The following FHIT variants were observed in gnomAD, a reference collection of about 807,000 sequenced individuals.
The protein encoded by FHIT is bis(5'-adenosyl)-triphosphatase.
A neutral mutation model predicts 17.9 loss-of-function variants in FHIT; 19 were observed. The ratio of observed to expected loss-of-function variants is 1.06; its 90% CI spans 0.74 to 1.56. The LOEUF is 1.56. Ranked by LOEUF, FHIT falls within the 40% of genes most tolerant of loss-of-function variation. The pLI is 0.00. For synonymous variants in FHIT, 81 were observed against 69.7 expected (o/e 1.16, Z -0.81); for missense variants, 248 against 189.2 (o/e 1.31, Z -1.82).
intron 5 of FHIT, among the ~76,000 whole-genome samples, chr3:60,117,574 G>A (rs560785887): frequency 6.6e-6 from 1 of 150,580 alleles, no homozygotes; most frequent in South Asian, 2.1e-4. Context: ...GAATTTAGGA[G>A]CTTGCTATGG....
At position 59,867,924 on chromosome 3, in the gene FHIT, C is replaced by T. The variant is rs183554317; in HGVS notation, c.348+54422G>A. On this transcript the variant is annotated intron_variant, in intron 8 of 9. Transcript: ENST00000492590. ...AGAGACTGAGTCCATGAAAAAGTTA[C>T]GGACCAAGGTTATACACAGAGCTGG... is the stretch of plus-strand genomic sequence containing the variant. Among the ~76,000 whole-genome samples, 14 of 151,356 alleles carry T rather than the reference C, an allele frequency of 9.2e-5. No homozygotes were observed. In the East Asian group the frequency reaches 2.5e-3, roughly 27 times the overall value.
chr3:60,043,969 TGAACATCTACTC>T (rs1405809276), intron 5 of FHIT, among the ~76,000 whole-genome samples: 1 of 152,214 alleles, frequency 6.6e-6, no homozygotes, highest in Non-Finnish European at 1.5e-5. Flanking sequence ...GAGTGATATT[TGAACATCTACTC>T]GACCCTAAAA....
Position 60,381,530 on chromosome 3 carries a change from C to CA in FHIT, c.103+155329dup, listed in dbSNP as rs200332079. Among the ~76,000 whole-genome samples, 954 of 150,698 alleles carry CA rather than the reference C, an allele frequency of 6.3e-3. 35 individuals carry two copies. Among genetic ancestry groups the CA allele is most frequent in the Admixed American group, 0.055 (839 of 15,134 alleles). On this transcript the variant is annotated intron_variant, in intron 5 of 9. Transcript: ENST00000492590. ...GAAAAGATCATTAGACATAAAACAA[C>CA]AAAAAAAAGCACATATAAAGCTGTT... is the stretch of plus-strand genomic sequence containing the variant.
At chr3:59,942,648 G>A (rs760608715) in intron 7 of FHIT, among the ~76,000 whole-genome samples, 2 of 151,836 alleles carry the variant, frequency 1.3e-5, no homozygotes, top group African/African-American at 4.8e-5. Context: ...ACAGCCCTTA[G>A]TTCTTTTTTT....
chr3:60,716,904 C>T (rs150252570), intron 4 of FHIT, among the ~76,000 whole-genome samples: 49 of 152,254 alleles, frequency 3.2e-4, no homozygotes, highest in African/African-American at 1.1e-3. Context: ...TGCAGTCTGT[C>T]ATTGACCAGA....
intron 3 of FHIT, among the ~76,000 whole-genome samples, chr3:60,972,357 G>C (rs1237678478): frequency 6.6e-6 from 1 of 151,984 alleles, no homozygotes; most frequent in Non-Finnish European, 1.5e-5. Flanking sequence ...TTCTGAATTG[G>C]CAATTACTTT....
At chr3:60,776,926 G>C (rs931830532) in intron 4 of FHIT, among the ~76,000 whole-genome samples, 6 of 152,186 alleles carry the variant, frequency 3.9e-5, no homozygotes, top group Non-Finnish European at 7.3e-5. Context: ...GAGGTTCTCT[G>C]TGTGAACATA....
chr3:60,820,526 C>A (rs1324363575), intron 4 of FHIT, among the ~76,000 whole-genome samples: 2 of 152,172 alleles, frequency 1.3e-5, no homozygotes, highest in African/African-American at 4.8e-5. Flanking sequence ...AGTAAAGATG[C>A]CTGCCTCATC....
intron 7 of FHIT, among the ~76,000 whole-genome samples, chr3:59,997,719 G>A (rs911203704): frequency 6.6e-6 from 1 of 152,092 alleles, no homozygotes; most frequent in Non-Finnish European, 1.5e-5. Flanking sequence ...TAATGACCTT[G>A]GGAGCTGACT....
At chr3:60,722,643 T>C (rs2041831661) in intron 4 of FHIT, among the ~76,000 whole-genome samples, 1 of 151,724 alleles carries the variant, frequency 6.6e-6, no homozygotes, top group Admixed American at 6.6e-5. Flanking sequence ...CAAAATGTCT[T>C]CAGACATGGC....
chr3:60,713,526 G>A lies in FHIT; in HGVS notation c.-18+108393C>T, dbSNP rs1357912748. ...AAAGGATCAACAAAATTGATAGACC[G>A]CTAGCAAGACTAATAAAGAAAAAAA... On this transcript the variant is annotated intron_variant, in intron 4 of 9. Transcript: ENST00000492590. Among the ~76,000 whole-genome samples the A allele has an allele frequency of 2.1e-4, 32 of 149,796 alleles. No homozygotes were observed. The South Asian group carries it at 5.1e-3, about 24-fold the overall frequency.
At chr3:60,224,169 G>C (rs944661941) in intron 5 of FHIT, among the ~76,000 whole-genome samples, 3 of 152,082 alleles carry the variant, frequency 2.0e-5, no homozygotes, top group African/African-American at 7.2e-5. Flanking sequence ...CCCTGTGGAG[G>C]AGTACCGATT....
chr3:59,954,983 T>G (rs908314168), intron 7 of FHIT, among the ~76,000 whole-genome samples: 1 of 152,232 alleles, frequency 6.6e-6, no homozygotes, highest in Non-Finnish European at 1.5e-5. Flanking sequence ...GCTAGTTTTC[T>G]GTGAATCATT....
chr3:61,233,417 C>A (rs1306389627), intron 1 of FHIT, among the ~76,000 whole-genome samples: 1 of 152,172 alleles, frequency 6.6e-6, no homozygotes, highest in Non-Finnish European at 1.5e-5. Context: ...GTAGAATACT[C>A]AGTGGCACAG....
At chr3:60,343,737 C>A in intron 5 of FHIT, among the ~76,000 whole-genome samples, 1 of 152,114 alleles carries the variant, frequency 6.6e-6, no homozygotes, top group Non-Finnish European at 1.5e-5. Context: ...TTCTGATGCA[C>A]TGTGGATACA....
chr3:60,893,134 TC>T (rs1705602097), intron 3 of FHIT, among the ~76,000 whole-genome samples: 1 of 152,070 alleles, frequency 6.6e-6, no homozygotes, highest in Non-Finnish European at 1.5e-5. Context: ...GAGAGGTCCC[TC>T]CCTAAACCCA....
intron 5 of FHIT, among the ~76,000 whole-genome samples, chr3:60,033,393 T>C (rs1184563921): frequency 2.0e-5 from 3 of 150,366 alleles, no homozygotes; most frequent in Non-Finnish European, 4.4e-5. Context: ...ACTCAGGAGG[T>C]TGAGGCAGGA....
intron 3 of FHIT, among the ~76,000 whole-genome samples, chr3:60,993,364 C>T (rs1251445936): frequency 6.6e-6 from 1 of 152,206 alleles, no homozygotes; most frequent in Non-Finnish European, 1.5e-5. Context: ...TTGGCACTGC[C>T]TGAAACGGCT....
chr3:60,051,476 C>A (rs970679111), intron 5 of FHIT, among the ~76,000 whole-genome samples: 30 of 152,020 alleles, frequency 2.0e-4, no homozygotes, highest in African/African-American at 6.8e-4. Flanking sequence ...GACACCAGAT[C>A]AAATCAAAGA....
Sources: gnomAD v4.1 joint callset for allele counts (sites outside exome capture counted in the v4.1 genomes callset) on GRCh38, gnomAD v4.1.1 for gene constraint, MANE v1.5 for transcripts, NCBI Gene and HGNC (gene_info 2026-07-23, HGNC 2026-07-21) for gene names.